MAML3: variants seen among roughly 807,000 people sequenced by gnomAD.
MAML3 encodes mastermind-like protein 3.
A neutral mutation model predicts 101.9 loss-of-function variants in MAML3; 27 were observed. The ratio of observed to expected loss-of-function variants is 0.27; its 90% CI spans 0.20 to 0.37. The LOEUF (loss-of-function observed/expected upper bound fraction) is 0.37. Ranked by LOEUF, MAML3 falls within the 10% of genes least tolerant of loss-of-function variation. The pLI is 1.00. For missense variants in MAML3, 1,316 were observed against 1,444.9 expected (o/e 0.91, Z 1.45); for synonymous variants, 501 against 555.9 (o/e 0.90, Z 1.39).
chr4:139,747,157 T>A (rs1285428826), intron 2 of MAML3, among the ~76,000 whole-genome samples: 1 of 152,222 alleles, frequency 6.6e-6, no homozygotes, highest in African/African-American at 2.4e-5. Flanking sequence ...CCTTAAATGA[T>A]GGTTTCTGTA....
At chr4:139,810,741 A>G (rs1477750647) in intron 2 of MAML3, among the ~76,000 whole-genome samples, 1 of 152,324 alleles carries the variant, frequency 6.6e-6, no homozygotes, top group Admixed American at 6.5e-5. Context: ...TATAAAAATC[A>G]AGTGAATTTA....
chr4:139,920,678 G>A (rs964458508), intron 1 of MAML3, among the ~76,000 whole-genome samples: 7 of 152,162 alleles, frequency 4.6e-5, no homozygotes, highest in Admixed American at 3.9e-4. Context: ...CAGGGCAGAC[G>A]GAGACATCTG....
intron 1 of MAML3, among the ~76,000 whole-genome samples, chr4:139,921,128 G>T (rs1389980612): frequency 1.3e-5 from 2 of 152,046 alleles, no homozygotes; most frequent in African/African-American, 4.8e-5. Context: ...AGGAGCCCTG[G>T]ACAAACTCAG....
rs1480748655 is a variant in MAML3 at position 139,778,897 on chromosome 4, C to T, written c.2080-48230G>A. On this transcript the variant is annotated intron_variant, in intron 2 of 4. Coordinates refer to ENST00000509479, the MANE Select transcript of MAML3 (RefSeq NM_018717.5). Reference sequence around the variant, plus strand: ...ACTTGGGAGGCTGAGGCAGGAGAATCGCTTGAACCCAGGAGGTGGAGGTTG... The same window carrying T: ...ACTTGGGAGGCTGAGGCAGGAGAATTGCTTGAACCCAGGAGGTGGAGGTTG... Among the ~76,000 whole-genome samples, 8 of 150,926 alleles carry T rather than the reference C, an allele frequency of 5.3e-5. No homozygotes were observed. The South Asian group carries it at 6.3e-4, about 12-fold the overall frequency.
At chr4:139,837,735 C>T (rs1036051699) in intron 2 of MAML3, among the ~76,000 whole-genome samples, 1 of 152,022 alleles carries the variant, frequency 6.6e-6, no homozygotes, top group Non-Finnish European at 1.5e-5. Flanking sequence ...GACTGGCCAA[C>T]ATGGTGAAGC....
Position 139,759,859 on chromosome 4 carries a change from G to A in MAML3, c.2080-29192C>T, listed in dbSNP as rs556055617. On this transcript the variant is annotated intron_variant, in intron 2 of 4. Transcript: ENST00000509479. ...CCACTTTCACACAGGGGGTAAAGGC[G>A]AACATGATATTGATTTCTTGCAAAG... Among the ~76,000 whole-genome samples, 12 of 152,318 alleles carry A rather than the reference G, an allele frequency of 7.9e-5. No individual in the cohort carries two copies. In the South Asian group the frequency reaches 2.5e-3, roughly 32 times the overall value.
intron 2 of MAML3, among the ~76,000 whole-genome samples, chr4:139,756,753 G>C (rs1297839211): frequency 1.3e-5 from 2 of 152,138 alleles, no homozygotes; most frequent in South Asian, 2.1e-4. Flanking sequence ...CCGTGAAAAG[G>C]TTGCTACTTT....
intron 1 of MAML3, among the ~76,000 whole-genome samples, chr4:140,104,369 TATATATA>T (rs1322130547): frequency 7.9e-4 from 4 of 5,064 alleles, no homozygotes; most frequent in Admixed American, 4.3e-3. Context: ...ATTTTATATA[TATATATA>T]ATATATATAT....
At chr4:139,793,441 A>G (rs1176486202) in intron 2 of MAML3, among the ~76,000 whole-genome samples, 1 of 152,190 alleles carries the variant, frequency 6.6e-6, no homozygotes, top group East Asian at 1.9e-4. Context: ...ATGTGCACAC[A>G]TGACCCATTG....
chr4:139,784,194 C>T (rs758338325), intron 2 of MAML3, among the ~76,000 whole-genome samples: 16 of 152,224 alleles, frequency 1.1e-4, no homozygotes, highest in Non-Finnish European at 1.9e-4. Flanking sequence ...AGGCCAGGCC[C>T]GCCTGATGCC....
chr4:140,002,015 CT>C (rs1258161928), intron 1 of MAML3, among the ~76,000 whole-genome samples: 62 of 151,230 alleles, frequency 4.1e-4, no homozygotes, highest in Admixed American at 3.6e-3. Context: ...CTAAATTGAG[CT>C]AATTAACATA....
At chr4:139,952,170 GACAA>G (rs1161990471) in intron 1 of MAML3, among the ~76,000 whole-genome samples, 1 of 151,996 alleles carries the variant, frequency 6.6e-6, no homozygotes, top group Non-Finnish European at 1.5e-5. Flanking sequence ...CATCTCAAAA[GACAA>G]ACAAACAAAA....
chr4:140,079,376 C>T (rs1424697800), intron 1 of MAML3, among the ~76,000 whole-genome samples: 1 of 152,166 alleles, frequency 6.6e-6, no homozygotes, highest in East Asian at 1.9e-4. Flanking sequence ...TCACTGCAAC[C>T]TCCGTCTCCC....
chr4:140,148,138 C>T (rs1729096540), intron 1 of MAML3, among the ~76,000 whole-genome samples: 1 of 152,262 alleles, frequency 6.6e-6, no homozygotes, highest in South Asian at 2.1e-4. Flanking sequence ...CCATTTTTCT[C>T]CTATCAGGTG....
chr4:139,943,864 C>CCTTTTTTTTTTTTTTTTTTTTTTT (rs1733652525), intron 1 of MAML3, among the ~76,000 whole-genome samples: 2 of 65,824 alleles, frequency 3.0e-5, no homozygotes, highest in Non-Finnish European at 5.7e-5. Flanking sequence ...CTAAAGACAA[C>CCTTTTTTTTTTTTTTTTTTTTTTT]TTTTTTTTTT....
intron 2 of MAML3, among the ~76,000 whole-genome samples, chr4:139,765,973 T>C (rs1366689557): frequency 1.3e-5 from 2 of 152,138 alleles, no homozygotes; most frequent in South Asian, 4.2e-4. Flanking sequence ...GGCAATACAG[T>C]GAGACCCTCT....
At chr4:140,117,055 C>T (rs1239829879) in intron 1 of MAML3, among the ~76,000 whole-genome samples, 1 of 152,152 alleles carries the variant, frequency 6.6e-6, no homozygotes, top group African/African-American at 2.4e-5. Context: ...ATTTAAAAAG[C>T]TCTATTTCCT....
At chr4:139,812,972 TA>T (rs36096630) in intron 2 of MAML3, among the ~76,000 whole-genome samples, 57 of 128,238 alleles carry the variant, frequency 4.4e-4, no homozygotes, top group Non-Finnish European at 6.4e-4. Context: ...CTCAGAAATG[TA>T]AAAAAAAAAA....
intron 1 of MAML3, among the ~76,000 whole-genome samples, chr4:140,151,997 G>A (rs1002851112): frequency 6.6e-6 from 1 of 152,222 alleles, no homozygotes; most frequent in Non-Finnish European, 1.5e-5. Context: ...CTCCGTGCAC[G>A]CAAGTTTAAA....
Sources: gnomAD v4.1 joint callset for allele counts (sites outside exome capture counted in the v4.1 genomes callset) on GRCh38, gnomAD v4.1.1 for gene constraint, MANE v1.5 for transcripts, NCBI Gene and HGNC (gene_info 2026-07-23, HGNC 2026-07-21) for gene names.